The following TRAPPC9 variants were observed in gnomAD, a reference collection of about 807,000 sequenced individuals.
TRAPPC9 encodes the protein trafficking protein particle complex subunit 9, also known as IKK2 binding protein.
Under a neutral mutation model 124.0 loss-of-function variants are expected in TRAPPC9, and 83 were observed. The ratio of observed to expected loss-of-function variants is 0.67; its 90% confidence interval spans 0.56 to 0.80. The LOEUF is 0.80. Ranked by LOEUF, TRAPPC9 falls within the 30% of genes least tolerant of loss-of-function variation. TRAPPC9 has a pLI of 0.00. For synonymous variants in TRAPPC9, 638 were observed against 617.5 expected (o/e 1.03, Z -0.49); for missense variants, 1,302 against 1,508.3 (o/e 0.86, Z 2.27).
intron 19 of TRAPPC9, among the ~76,000 whole-genome samples, chr8:139,937,475 A>C (rs1306327537): frequency 6.6e-6 from 1 of 152,142 alleles, no homozygotes; most frequent in Non-Finnish European, 1.5e-5. Flanking sequence ...CTAGGAGCCC[A>C]AGGCGCTGCG....
At chr8:140,031,043 G>C (rs1234927811) in intron 17 of TRAPPC9, among the ~76,000 whole-genome samples, 1 of 152,166 alleles carries the variant, frequency 6.6e-6, no homozygotes, top group Non-Finnish European at 1.5e-5. Flanking sequence ...AATTGATCCT[G>C]ACCATTAATA....
At chr8:140,004,551 A>G (rs1033745374) in intron 18 of TRAPPC9, among the ~76,000 whole-genome samples, 1 of 152,168 alleles carries the variant, frequency 6.6e-6, no homozygotes, top group Admixed American at 6.5e-5. Flanking sequence ...CTATGGAATT[A>G]TTAGGAGGCT....
At chr8:139,760,344 G>A (rs74753938) in intron 21 of TRAPPC9, among the ~76,000 whole-genome samples, 2,908 of 152,258 alleles carry the variant, frequency 0.019, 80 homozygotes, top group African/African-American at 0.063. Flanking sequence ...ACCCTGGGGA[G>A]TGGGAACTGG....
intron 19 of TRAPPC9, among the ~76,000 whole-genome samples, chr8:139,914,481 C>A (rs1474129605): frequency 6.6e-6 from 1 of 152,200 alleles, no homozygotes; most frequent in East Asian, 1.9e-4. Flanking sequence ...AGCAGCGCAG[C>A]GGGAGATGGC....
intron 21 of TRAPPC9, among the ~76,000 whole-genome samples, chr8:139,770,968 C>T (rs1374630541): frequency 8.5e-5 from 13 of 152,162 alleles, no homozygotes; most frequent in Admixed American, 8.5e-4. Context: ...CCGCAGGAGT[C>T]CCTGGACAAG....
At chr8:140,054,380 A>G (rs1167772593) in intron 17 of TRAPPC9, among the ~76,000 whole-genome samples, 1 of 152,214 alleles carries the variant, frequency 6.6e-6, no homozygotes, top group Non-Finnish European at 1.5e-5. Flanking sequence ...ACAAAAACAA[A>G]AAAACAACAT....
chr8:140,369,012 C>T (rs373791497), intron 8 of TRAPPC9, among the ~76,000 whole-genome samples: 2 of 152,180 alleles, frequency 1.3e-5, no homozygotes, highest in Non-Finnish European at 2.9e-5. Flanking sequence ...GTGTGCGTGC[C>T]GTCCATGGCT....
Position 139,984,325 on chromosome 8 carries a change from G to A in TRAPPC9, c.2810+4401C>T, listed in dbSNP as rs919570139. On this transcript the variant is annotated intron_variant, in intron 19 of 22. Coordinates refer to ENST00000438773, the MANE Select transcript of TRAPPC9 (RefSeq NM_001160372.4). This position sits in a 1 kb window ranked among gnomAD's most constrained non-coding sequence, Gnocchi z 4.3. ...AGAGCACCACCTTCCGCTCCTGCTG[G>A]TAGCGATGAAGCTGGAGTCTCAGCC... Among the ~76,000 whole-genome samples the A allele has an allele frequency of 5.3e-5, 8 of 152,286 alleles. No homozygotes were observed. The highest frequency in any genetic ancestry group is 3.3e-4 in the Admixed American group (5 of 15,292).
At chr8:140,340,897 C>A (rs938510317) in intron 9 of TRAPPC9, among the ~76,000 whole-genome samples, 1 of 152,270 alleles carries the variant, frequency 6.6e-6, no homozygotes, top group African/African-American at 2.4e-5. Context: ...TTGGAAGTCA[C>A]GAACAAATCC....
intron 17 of TRAPPC9, among the ~76,000 whole-genome samples, chr8:140,146,193 A>G (rs1587804910): frequency 6.6e-6 from 1 of 152,400 alleles, no homozygotes; most frequent in East Asian, 1.9e-4. Context: ...ATATCTAAGG[A>G]ATTTATGAGG....
intron 19 of TRAPPC9, among the ~76,000 whole-genome samples, chr8:139,974,246 G>A (rs893149972): frequency 8.5e-5 from 13 of 152,238 alleles, no homozygotes; most frequent in Admixed American, 8.5e-4. Context: ...GCGCTTCTAG[G>A]AGAACAAGTT....
At chr8:139,993,541 A>C (rs1837774194) in intron 18 of TRAPPC9, among the ~76,000 whole-genome samples, 1 of 152,226 alleles carries the variant, frequency 6.6e-6, no homozygotes, top group African/African-American at 2.4e-5. Flanking sequence ...GTAGCTGCCT[A>C]TCTTGGATCA....
At chr8:139,758,708 G>T (rs1420397391) in intron 21 of TRAPPC9, among the ~76,000 whole-genome samples, 2 of 152,230 alleles carry the variant, frequency 1.3e-5, no homozygotes, top group Admixed American at 1.3e-4. Flanking sequence ...GGTGAAGGCG[G>T]TTGGGGCAGG....
intron 17 of TRAPPC9, among the ~76,000 whole-genome samples, chr8:140,107,314 T>C (rs1322737985): frequency 6.6e-6 from 1 of 152,190 alleles, no homozygotes; most frequent in Non-Finnish European, 1.5e-5. Flanking sequence ...TGGAAGGCTT[T>C]TTACGGTCAT....
chr8:140,079,997 A>C lies in TRAPPC9; in HGVS notation c.2557-55918T>G, dbSNP rs573197746. 2.0e-5 allele frequency among the ~76,000 whole-genome samples: 3 copies of C among 152,302 alleles called. No individual in the cohort carries two copies. The South Asian group carries it at 6.2e-4, about 32-fold the overall frequency. ...GAGGAGGAGGAGGAGGGGAAGAAGAAGGCGATGGCATCACTTTCCCCTGGT... is the reference window on the plus strand; with the variant it reads ...GAGGAGGAGGAGGAGGGGAAGAAGACGGCGATGGCATCACTTTCCCCTGGT... On this transcript the variant is annotated intron_variant, in intron 17 of 22. Transcript: ENST00000438773.
rs71320358 is a variant in TRAPPC9 at position 140,429,086 on chromosome 8, G to GTT, written c.860-2447_860-2446dup. Among the ~76,000 whole-genome samples, 153 of 143,052 alleles carry GTT rather than the reference G, an allele frequency of 1.1e-3. 1 individual carries two copies. The highest frequency in any genetic ancestry group is 1.2e-3 in the Non-Finnish European group (80 of 65,708). 93.8% of individuals were successfully genotyped at this position (143,052 alleles called of 152,430 possible). ...TTTTGTTTTTTGTTTTTCTGTTTTT[G>GTT]TTTTTTTTTTTTTGAGACAGAGTCT... On this transcript the variant is annotated intron_variant, in intron 4 of 22. Coordinates refer to ENST00000438773, the MANE Select transcript of TRAPPC9 (RefSeq NM_001160372.4).
intron 21 of TRAPPC9, among the ~76,000 whole-genome samples, chr8:139,733,852 G>T (rs1232282223): frequency 1.3e-5 from 2 of 152,230 alleles, no homozygotes; most frequent in Non-Finnish European, 2.9e-5. Context: ...GCCCTGTGGG[G>T]TGTCCTCACT....
chr8:139,903,339 T>A (rs1006650990), intron 20 of TRAPPC9, among the ~76,000 whole-genome samples: 8 of 152,140 alleles, frequency 5.3e-5, no homozygotes, highest in African/African-American at 1.9e-4. Flanking sequence ...AGGAGGCGGA[T>A]GCGCCTGGTG....
chr8:140,051,002 C>T (rs1841964078), intron 17 of TRAPPC9, among the ~76,000 whole-genome samples: 1 of 152,214 alleles, frequency 6.6e-6, no homozygotes, highest in Non-Finnish European at 1.5e-5. Flanking sequence ...TTTAGACCTT[C>T]AACTGCCATT....
Sources: gnomAD v4.1 joint callset for allele counts (sites outside exome capture counted in the v4.1 genomes callset) on GRCh38, gnomAD v4.1.1 for gene constraint, Gnocchi (gnomAD v3.1) non-coding constraint, MANE v1.5 for transcripts, NCBI Gene and HGNC (gene_info 2026-07-23, HGNC 2026-07-21) for gene names.